PDE7B: variants seen among roughly 807,000 people sequenced by gnomAD.
PDE7B encodes 3',5'-cyclic-AMP phosphodiesterase 7B.
A neutral mutation model predicts 56.2 loss-of-function variants in PDE7B; 29 were observed. The ratio of observed to expected loss-of-function variants is 0.52; its 90% CI spans 0.38 to 0.70. PDE7B has a LOEUF of 0.70. Ranked by LOEUF, PDE7B falls within the 30% of genes least tolerant of loss-of-function variation. PDE7B has a pLI of 0.00. For missense variants in PDE7B, 490 were observed against 565.0 expected (o/e 0.87, Z 1.35); for synonymous variants, 197 against 196.9 (o/e 1.00, Z 0.00).
At chr6:136,163,111 G>A (rs1212865324) in intron 8 of PDE7B, among the ~76,000 whole-genome samples, 1 of 152,240 alleles carries the variant, frequency 6.6e-6, no homozygotes, top group Admixed American at 6.5e-5. Context: ...TACCAGTGGG[G>A]ACTCTGTGTG....
At chr6:136,056,557 G>GTTTTTTTTTT (rs1776738908) in intron 2 of PDE7B, among the ~76,000 whole-genome samples, 1 of 53,974 alleles carries the variant, frequency 1.9e-5, no homozygotes, top group African/African-American at 7.8e-5. Context: ...TTTGACAAGA[G>GTTTTTTTTTT]TTTTGCCCTT....
chr6:135,872,665 CTA>C (rs1196372716), intron 1 of PDE7B, among the ~76,000 whole-genome samples: 1 of 152,082 alleles, frequency 6.6e-6, no homozygotes, highest in Non-Finnish European at 1.5e-5. Flanking sequence ...TGAACTCATT[CTA>C]TGTTTGAAGT....
intron 2 of PDE7B, among the ~76,000 whole-genome samples, chr6:135,951,960 A>C (rs984893179): frequency 1.3e-5 from 2 of 152,156 alleles, no homozygotes; most frequent in Admixed American, 6.6e-5. Flanking sequence ...TTTTATTAAC[A>C]CTCAACATAG....
At chr6:136,133,852 A>G (rs1453673714) in intron 3 of PDE7B, among the ~76,000 whole-genome samples, 1 of 152,146 alleles carries the variant, frequency 6.6e-6, no homozygotes, top group Non-Finnish European at 1.5e-5. Flanking sequence ...AGGTGGGGAG[A>G]ATATTCAATT....
intron 2 of PDE7B, among the ~76,000 whole-genome samples, chr6:135,961,255 A>ATGTGTGTGTGTGTGTG (rs961322926): frequency 1.4e-4 from 20 of 146,188 alleles, no homozygotes; most frequent in African/African-American, 4.9e-4. Flanking sequence ...TAGAGTGTAT[A>ATGTGTGTGTGTGTGTG]TGTGTGTGTG....
chr6:135,932,619 G>A (rs1774314020), intron 1 of PDE7B, among the ~76,000 whole-genome samples: 1 of 152,140 alleles, frequency 6.6e-6, no homozygotes, highest in Admixed American at 6.5e-5. Flanking sequence ...ATTGAGCCAG[G>A]AGCTTTCCTG....
chr6:136,009,351 G>GT (rs1197958152), intron 2 of PDE7B, among the ~76,000 whole-genome samples: 1 of 152,236 alleles, frequency 6.6e-6, no homozygotes, highest in Admixed American at 6.5e-5. Flanking sequence ...CTTTAAAGTA[G>GT]TTTTTTCTAA....
chr6:136,002,789 CAAT>C (rs1472849322), intron 2 of PDE7B, among the ~76,000 whole-genome samples: 5 of 152,010 alleles, frequency 3.3e-5, no homozygotes, highest in Non-Finnish European at 7.4e-5. Flanking sequence ...TTAGACAGAT[CAAT>C]GAGACAGAAA....
At chr6:136,101,775 T>C (rs1777566784) in intron 2 of PDE7B, among the ~76,000 whole-genome samples, 1 of 152,192 alleles carries the variant, frequency 6.6e-6, no homozygotes, top group African/African-American at 2.4e-5. Flanking sequence ...CATCTTCCTG[T>C]AGTCTAACCT....
At chr6:136,058,166 G>T (rs544025890) in intron 2 of PDE7B, among the ~76,000 whole-genome samples, 1 of 152,096 alleles carries the variant, frequency 6.6e-6, no homozygotes, top group Non-Finnish European at 1.5e-5. Context: ...CACCAGATAG[G>T]GGGGAACTCA....
At position 136,154,108 on chromosome 6, in the gene PDE7B, C is replaced by T. The variant is rs1266720548; in HGVS notation, c.512C>T (p.Pro171Leu). 2.7e-5 allele frequency: 44 copies of T among 1,613,628 alleles called. No individual in the cohort carries two copies. The highest frequency in any genetic ancestry group is 3.5e-5 in the Non-Finnish European group (41 of 1,179,798). Residue 171 changes from proline (P) to leucine (L), a missense_variant, in exon 7 of 13, where the codon CCG becomes CTG. Physicochemically the swap from Pro to Leu is moderately conservative, Grantham distance 98 (BLOSUM62 -3). Coordinates refer to ENST00000308191, the MANE Select transcript of PDE7B (RefSeq NM_018945.4). ...MVQEDYHSQN[P>L]YHNAVHAADV... ...CAAGAAGATTACCACAGCCAAAACC[C>T]GTATCACAATGCTGTTCACGCAGCC...
chr6:136,127,388 A>G (rs374919950), intron 3 of PDE7B, among the ~76,000 whole-genome samples: 19 of 152,212 alleles, frequency 1.2e-4, no homozygotes, highest in Admixed American at 4.6e-4. Flanking sequence ...TAAGCTATCC[A>G]TTACTATCTG....
At chr6:135,986,327 C>G (rs1193424351) in intron 2 of PDE7B, among the ~76,000 whole-genome samples, 4 of 152,162 alleles carry the variant, frequency 2.6e-5, no homozygotes, top group Non-Finnish European at 5.9e-5. Flanking sequence ...AGCAAAAATG[C>G]TCTTTCTGTA....
intron 1 of PDE7B, among the ~76,000 whole-genome samples, chr6:135,934,776 T>TA (rs1562444865): frequency 8.3e-4 from 78 of 93,842 alleles, no homozygotes; most frequent in Non-Finnish European, 1.5e-3. Context: ...TATATATATA[T>TA]TTATTATATA....
intron 2 of PDE7B, 65 bp downstream of exon 2, chr6:135,947,589 T>C: frequency 1.6e-6 from 2 of 1,250,448 alleles, no homozygotes; most frequent in Non-Finnish European, 2.3e-6. Flanking sequence ...ATCATTCTGT[T>C]GCCTTTTTGG....
intron 3 of PDE7B, among the ~76,000 whole-genome samples, chr6:136,129,920 A>G (rs1778087890): frequency 6.6e-6 from 1 of 152,112 alleles, no homozygotes; most frequent in Non-Finnish European, 1.5e-5. Flanking sequence ...TTTTTTGTGC[A>G]TTTCTATGCC....
In PDE7B at chr6:135,918,606, A is replaced by G. The variant is rs185118902; in HGVS notation, c.22-28858A>G. ...AGCGTATCCCCTCCTGTAAGATGAA[A>G]GTCCATTAAATAAATTAAATAAATA... is the stretch of plus-strand genomic sequence containing the variant. On this transcript the variant is annotated intron_variant, in intron 1 of 12. Coordinates refer to ENST00000308191, the MANE Select transcript of PDE7B (RefSeq NM_018945.4). Among the ~76,000 whole-genome samples the G allele has an allele frequency of 2.5e-3, 379 of 150,414 alleles. 1 individual carries two copies. The highest frequency in any genetic ancestry group is 8.8e-3 in the African/African-American group (364 of 41,170).
intron 1 of PDE7B, among the ~76,000 whole-genome samples, chr6:135,943,499 G>T (rs1036145459): frequency 6.6e-6 from 1 of 152,190 alleles, no homozygotes; most frequent in South Asian, 2.1e-4. Flanking sequence ...GCCAATATTC[G>T]AGAATCTATA....
At chr6:136,111,345 A>C in intron 3 of PDE7B, among the ~76,000 whole-genome samples, 1 of 152,214 alleles carries the variant, frequency 6.6e-6, no homozygotes. Context: ...ATATTAAATA[A>C]CTATGAATGT....
Sources: gnomAD v4.1 joint callset for allele counts (sites outside exome capture counted in the v4.1 genomes callset) on GRCh38, gnomAD v4.1.1 for gene constraint, MANE v1.5 for transcripts, NCBI Gene and HGNC (gene_info 2026-07-23, HGNC 2026-07-21) for gene names.